The following ARB2A variants were observed in gnomAD, a reference collection of about 807,000 sequenced individuals.
The protein encoded by ARB2A is cotranscriptional regulator ARB2A.
At chr5:93,621,126 G>C in the ARB2A span, 8 of 1,610,326 alleles carry the variant, frequency 5.0e-6, no homozygotes, top group African/African-American at 5.4e-5. Context: ...GTGACGGTCG[G>C]TGCCTGCAAA....
chr5:93,700,718 T>C, the ARB2A span, among the ~76,000 whole-genome samples: 1 of 152,262 alleles, frequency 6.6e-6, no homozygotes, highest in Non-Finnish European at 1.5e-5. Context: ...TTTATCTTAT[T>C]CCCGTTTCCT....
the ARB2A span, chr5:93,865,764 G>A: frequency 4.1e-6 from 4 of 985,272 alleles, no homozygotes; most frequent in South Asian, 4.7e-5. Flanking sequence ...GAACAAAACT[G>A]ACTATAATGA....
the ARB2A span, among the ~76,000 whole-genome samples, chr5:93,782,467 T>C: frequency 1.3e-5 from 2 of 152,200 alleles, no homozygotes; most frequent in Admixed American, 6.5e-5. Context: ...AGAGTCATTA[T>C]CAAAATTTAG....
chr5:93,946,589 T>C, the ARB2A span, among the ~76,000 whole-genome samples: 2 of 152,062 alleles, frequency 1.3e-5, no homozygotes, highest in Non-Finnish European at 2.9e-5. Context: ...TAACAGAAAG[T>C]GAATGATAAA....
At chr5:93,620,709 C>T in the ARB2A span, 2 of 315,784 alleles carry the variant, frequency 6.3e-6, no homozygotes, top group African/African-American at 2.2e-5. Context: ...CTTCGCCGGC[C>T]GAGCCAGGCA....
At chr5:93,697,067 A>C in the ARB2A span, among the ~76,000 whole-genome samples, 1 of 151,652 alleles carries the variant, frequency 6.6e-6, no homozygotes, top group Non-Finnish European at 1.5e-5. Flanking sequence ...ATCTCAAAAA[A>C]AAAAAAAAAA....
At chr5:93,929,816 T>C in the ARB2A span, among the ~76,000 whole-genome samples, 54 of 152,340 alleles carry the variant, frequency 3.5e-4, no homozygotes, top group Non-Finnish European at 6.9e-4. Context: ...TCAGCAGTTA[T>C]GTCACTTGAC....
the ARB2A span, among the ~76,000 whole-genome samples, chr5:93,852,762 T>C: frequency 6.6e-6 from 1 of 152,190 alleles, no homozygotes; most frequent in Non-Finnish European, 1.5e-5. Context: ...ATCAGATAGT[T>C]GTAGATATGC....
the ARB2A span, among the ~76,000 whole-genome samples, chr5:94,089,956 AT>A: frequency 6.6e-6 from 1 of 152,118 alleles, no homozygotes; most frequent in African/African-American, 2.4e-5. Context: ...AAACTCAAGA[AT>A]CTTACTATGA....
chr5:93,883,850 T>C, the ARB2A span, among the ~76,000 whole-genome samples: 1 of 150,538 alleles, frequency 6.6e-6, no homozygotes, highest in African/African-American at 2.4e-5. Context: ...GTAAGTGGTC[T>C]CCTGTCATGT....
At chr5:93,979,502 C>CA in the ARB2A span, among the ~76,000 whole-genome samples, 1 of 151,648 alleles carries the variant, frequency 6.6e-6, no homozygotes, top group Non-Finnish European at 1.5e-5. Flanking sequence ...ATTGATTAAC[C>CA]AAAAAAAGCA....
the ARB2A span, among the ~76,000 whole-genome samples, chr5:93,729,443 C>T: frequency 1.3e-5 from 2 of 151,842 alleles, no homozygotes; most frequent in Admixed American, 6.6e-5. Flanking sequence ...CAGAGCCTGG[C>T]GGAAAATCAG....
the ARB2A span, among the ~76,000 whole-genome samples, chr5:93,756,670 G>C: frequency 6.6e-6 from 1 of 152,058 alleles, no homozygotes; most frequent in African/African-American, 2.4e-5. Flanking sequence ...TAAGAAAAGG[G>C]GGAGAGTACT....
chr5:93,687,686 T>C, the ARB2A span, among the ~76,000 whole-genome samples: 1 of 152,326 alleles, frequency 6.6e-6, no homozygotes, highest in African/African-American at 2.4e-5. Context: ...AATGTGCATA[T>C]GAGTCTGTTT....
chr5:93,665,947 T>C, the ARB2A span, among the ~76,000 whole-genome samples: 3 of 152,326 alleles, frequency 2.0e-5, no homozygotes, highest in Non-Finnish European at 2.9e-5. Context: ...CAGCCAGGTC[T>C]AAGCTTGTCT....
chr5:93,983,624 G>A, the ARB2A span, among the ~76,000 whole-genome samples: 1 of 152,032 alleles, frequency 6.6e-6, no homozygotes, highest in African/African-American at 2.4e-5. Flanking sequence ...AAAATTAGTA[G>A]GTAAAAGATT....
chr5:93,829,014 T>A, the ARB2A span, among the ~76,000 whole-genome samples: 1 of 152,066 alleles, frequency 6.6e-6, no homozygotes, highest in African/African-American at 2.4e-5. Flanking sequence ...TGACCTTAGG[T>A]GATTTGCCCA....
the ARB2A span, among the ~76,000 whole-genome samples, chr5:94,012,398 T>A: frequency 6.6e-6 from 1 of 152,194 alleles, no homozygotes; most frequent in Non-Finnish European, 1.5e-5. Context: ...CGAGACTCCA[T>A]CTCAAAACAA....
chr5:93,992,720 T>C, the ARB2A span, among the ~76,000 whole-genome samples: 6 of 152,006 alleles, frequency 3.9e-5, no homozygotes, highest in Admixed American at 1.3e-4. Context: ...AAAAAAGCAA[T>C]AGATTCTTAC....
Sources: allele counts gnomAD v4.1 joint callset (sites outside exome capture counted in the v4.1 genomes callset), GRCh38; gene constraint gnomAD v4.1.1; transcripts MANE v1.5; gene names NCBI Gene and HGNC (gene_info 2026-07-23, HGNC 2026-07-21).